The following RIMS2 variants were observed in gnomAD, a reference collection of about 807,000 sequenced individuals.
The protein encoded by RIMS2 is regulating synaptic membrane exocytosis protein 2.
A neutral mutation model predicts 174.4 loss-of-function variants in RIMS2; 59 were observed. The observed-to-expected ratio is 0.34, with a 90% confidence interval of 0.27 to 0.42. The LOEUF (loss-of-function observed/expected upper bound fraction) is 0.42. Ranked by LOEUF, RIMS2 falls within the 10% of genes least tolerant of loss-of-function variation. The pLI is 1.00. For synonymous variants in RIMS2, 606 were observed against 572.5 expected (o/e 1.06, Z -0.84); for missense variants, 1,620 against 1,666.3 (o/e 0.97, Z 0.48).
At chr8:103,687,732 G>A (rs1161962694) in intron 1 of RIMS2, among the ~76,000 whole-genome samples, 2 of 152,038 alleles carry the variant, frequency 1.3e-5, no homozygotes, top group Admixed American at 1.3e-4. Flanking sequence ...AACTTTTTAA[G>A]ATTTCACATG....
At chr8:103,819,880 A>G (rs1273813227) in intron 3 of RIMS2, among the ~76,000 whole-genome samples, 1 of 152,102 alleles carries the variant, frequency 6.6e-6, no homozygotes, top group Non-Finnish European at 1.5e-5. Context: ...AGGCTGTTTC[A>G]TTATTTTGTT....
intron 1 of RIMS2, among the ~76,000 whole-genome samples, chr8:103,551,144 A>G (rs1237610816): frequency 1.3e-5 from 2 of 152,024 alleles, no homozygotes; most frequent in Non-Finnish European, 2.9e-5. Flanking sequence ...AGACACAACA[A>G]AAAAAAGAGA....
At chr8:104,087,538 ACTGTGC>A (rs1306917908) in intron 19 of RIMS2, among the ~76,000 whole-genome samples, 1 of 152,062 alleles carries the variant, frequency 6.6e-6, no homozygotes, top group Non-Finnish European at 1.5e-5. Context: ...GACATCTTAA[ACTGTGC>A]CTTAGAAGAT....
intron 15 of RIMS2, among the ~76,000 whole-genome samples, 185 bp downstream of exon 17, chr8:103,961,318 T>C (rs985348964): frequency 1.3e-5 from 2 of 152,100 alleles, no homozygotes; most frequent in African/African-American, 4.8e-5. Context: ...CTGTACCAAT[T>C]AGATTGGATA....
intron 19 of RIMS2, among the ~76,000 whole-genome samples, chr8:104,145,415 C>T (rs2098627882): frequency 6.6e-6 from 1 of 151,896 alleles, no homozygotes; most frequent in Non-Finnish European, 1.5e-5. Flanking sequence ...CCACATTGAG[C>T]ATTTTAAAAT....
At chr8:103,679,068 A>T (rs1375286361) in intron 1 of RIMS2, among the ~76,000 whole-genome samples, 1 of 152,094 alleles carries the variant, frequency 6.6e-6, no homozygotes, top group African/African-American at 2.4e-5. Context: ...TATATGGAAG[A>T]AGTCATTTTA....
chr8:103,954,319 A>C (rs1025125470), intron 14 of RIMS2, among the ~76,000 whole-genome samples: 4 of 152,244 alleles, frequency 2.6e-5, no homozygotes, highest in South Asian at 4.1e-4. Flanking sequence ...GCACCACATC[A>C]CACTTATTCT....
chr8:103,523,969 A>G (rs1832846856), intron 1 of RIMS2, among the ~76,000 whole-genome samples: 1 of 152,192 alleles, frequency 6.6e-6, no homozygotes, highest in Non-Finnish European at 1.5e-5. Flanking sequence ...TTCAAAACTA[A>G]GATGATTTTG....
intron 1 of RIMS2, among the ~76,000 whole-genome samples, chr8:103,528,385 C>G (rs1835164870): frequency 6.6e-6 from 1 of 152,088 alleles, no homozygotes; most frequent in African/African-American, 2.4e-5. Flanking sequence ...TGCAGAAGCT[C>G]TTTAGTTTAA....
chr8:103,783,609 A>G (rs1384538188), intron 3 of RIMS2, among the ~76,000 whole-genome samples: 1 of 151,804 alleles, frequency 6.6e-6, no homozygotes, highest in Non-Finnish European at 1.5e-5. Context: ...ATCATTTTTT[A>G]TGGCTGCATA....
intron 1 of RIMS2, among the ~76,000 whole-genome samples, chr8:103,585,261 A>G (rs1392816198): frequency 6.6e-6 from 1 of 152,202 alleles, no homozygotes; most frequent in East Asian, 1.9e-4. Flanking sequence ...GAGGCTGTGG[A>G]GAAATAGGAA....
intron 1 of RIMS2, among the ~76,000 whole-genome samples, chr8:103,602,326 G>C (rs980630933): frequency 6.6e-6 from 1 of 152,060 alleles, no homozygotes; most frequent in Non-Finnish European, 1.5e-5. Context: ...TTTAGGTTTG[G>C]GGTTACGTGT....
At chr8:103,861,125 C>A (rs564078096) in intron 3 of RIMS2, among the ~76,000 whole-genome samples, 19 of 148,254 alleles carry the variant, frequency 1.3e-4, no homozygotes, top group African/African-American at 4.7e-4. Flanking sequence ...GCCTCACCCC[C>A]CTCCTAAGCC....
At chr8:103,710,386 A>G (rs2097289360) in intron 2 of RIMS2, among the ~76,000 whole-genome samples, 1 of 152,174 alleles carries the variant, frequency 6.6e-6, no homozygotes, top group Non-Finnish European at 1.5e-5. Context: ...TAGAAAATAA[A>G]TGAAGGGCAG....
At position 103,542,077 on chromosome 8, in the gene RIMS2, T is replaced by G. The variant is rs952932848; in HGVS notation, c.176+41015T>G. The stretch of plus-strand genomic sequence containing the variant: ...AAGAGCAAGGTTAGAGGGAAGGAAA[T>G]AGTAAACTGACAAAACTTTAGCTAG... On this transcript the variant is annotated intron_variant, in intron 1 of 23. Transcript: ENST00000504942. Among the ~76,000 whole-genome samples the G allele has an allele frequency of 2.7e-5, 4 of 150,660 alleles. No individual in the cohort carries two copies. In the Middle Eastern group the frequency reaches 0.014, roughly 512 times the overall value.
At chr8:103,505,774 A>T (rs1407876179) in intron 1 of RIMS2, among the ~76,000 whole-genome samples, 1 of 152,150 alleles carries the variant, frequency 6.6e-6, no homozygotes, top group African/African-American at 2.4e-5. Context: ...ATCTTTACCA[A>T]TGTTTCAATG....
At chr8:103,816,635 A>G (rs1395507552) in intron 3 of RIMS2, among the ~76,000 whole-genome samples, 1 of 152,170 alleles carries the variant, frequency 6.6e-6, no homozygotes, top group Non-Finnish European at 1.5e-5. Flanking sequence ...AAGGATGAGT[A>G]GGGGCAGGTG....
chr8:103,987,272 C>T (rs72683124), intron 16 of RIMS2, among the ~76,000 whole-genome samples: 19,294 of 151,906 alleles, frequency 0.13, 1,696 homozygotes, highest in Non-Finnish European at 0.19. Flanking sequence ...CCTCTGTGCC[C>T]AGCTTAAGAA....
intron 3 of RIMS2, among the ~76,000 whole-genome samples, chr8:103,871,522 A>AT (rs879698812): frequency 1.3e-4 from 20 of 152,098 alleles, no homozygotes; most frequent in South Asian, 8.3e-4. Context: ...CTACTTTCAG[A>AT]TTTTTTTATT....
Sources: allele counts gnomAD v4.1 joint callset (sites outside exome capture counted in the v4.1 genomes callset), GRCh38; gene constraint gnomAD v4.1.1; transcripts MANE v1.5; gene names NCBI Gene and HGNC (gene_info 2026-07-23, HGNC 2026-07-21).